Variants in AFG2A observed in about 807,000 individuals in gnomAD.
AFG2A encodes the protein ATPase family gene 2 protein homolog A.
At chr4:123,014,914 C>A in the AFG2A span, among the ~76,000 whole-genome samples, 2 of 152,042 alleles carry the variant, frequency 1.3e-5, no homozygotes, top group Admixed American at 1.3e-4. Flanking sequence ...TTCTTATATT[C>A]TTTCTAATCT....
chr4:123,160,836 A>G, the AFG2A span, among the ~76,000 whole-genome samples: 1 of 152,246 alleles, frequency 6.6e-6, no homozygotes, highest in Non-Finnish European at 1.5e-5. Context: ...TTATACATAC[A>G]TACCTATGAT....
the AFG2A span, among the ~76,000 whole-genome samples, chr4:123,313,244 CTT>C: frequency 6.6e-6 from 1 of 152,246 alleles, no homozygotes; most frequent in South Asian, 2.1e-4. Flanking sequence ...CTTTTCAATT[CTT>C]CCAGCTTTCC....
the AFG2A span, among the ~76,000 whole-genome samples, chr4:123,091,003 GTGAATGGAATCT>G: frequency 6.6e-6 from 1 of 152,210 alleles, no homozygotes; most frequent in East Asian, 1.9e-4. Context: ...ACTGCCCTGG[GTGAATGGAATCT>G]TGACTGCATA....
At chr4:123,014,464 G>C in the AFG2A span, among the ~76,000 whole-genome samples, 1 of 151,830 alleles carries the variant, frequency 6.6e-6, no homozygotes, top group African/African-American at 2.4e-5. Flanking sequence ...TGTGTAAATG[G>C]TTAACCATTT....
the AFG2A span, among the ~76,000 whole-genome samples, chr4:123,181,381 G>A: frequency 3.9e-5 from 6 of 152,012 alleles, no homozygotes; most frequent in Non-Finnish European, 8.8e-5. Flanking sequence ...GGGAGGCAAG[G>A]TGGACAGATT....
chr4:123,087,886 C>G, the AFG2A span, among the ~76,000 whole-genome samples: 4 of 152,242 alleles, frequency 2.6e-5, no homozygotes, highest in South Asian at 6.2e-4. Context: ...GCTGTTAGGA[C>G]GGAGCGAAGA....
At chr4:122,999,626 T>C in the AFG2A span, among the ~76,000 whole-genome samples, 6 of 151,876 alleles carry the variant, frequency 4.0e-5, no homozygotes, top group Non-Finnish European at 8.8e-5. Context: ...TGTAGATAGG[T>C]GGCATTATTT....
the AFG2A span, among the ~76,000 whole-genome samples, chr4:122,930,949 T>A: frequency 0.71 from 108,195 of 151,976 alleles, 43,208 homozygotes; most frequent in East Asian, 0.95. Context: ...TCTTATGTTT[T>A]AAATGTGGCA....
At chr4:123,310,939 A>T in the AFG2A span, among the ~76,000 whole-genome samples, 3 of 152,252 alleles carry the variant, frequency 2.0e-5, no homozygotes, top group Admixed American at 2.0e-4. Context: ...GCCCTAGGAC[A>T]TACAGACAGC....
the AFG2A span, among the ~76,000 whole-genome samples, chr4:123,276,701 A>AG: frequency 4.6e-5 from 7 of 152,086 alleles, no homozygotes; most frequent in South Asian, 4.1e-4. Flanking sequence ...TCTGTACATG[A>AG]CTAGCCAATT....
the AFG2A span, among the ~76,000 whole-genome samples, chr4:123,029,377 T>G: frequency 6.6e-6 from 1 of 152,136 alleles, no homozygotes; most frequent in Non-Finnish European, 1.5e-5. Context: ...TGGCCCAGAA[T>G]GCATTTTCTG....
the AFG2A span, among the ~76,000 whole-genome samples, chr4:123,023,043 G>T: frequency 4.7e-5 from 7 of 148,890 alleles, no homozygotes; most frequent in African/African-American, 1.2e-4. Flanking sequence ...TGTGGGGTTG[G>T]GGGAGGGGGG....
chr4:123,227,474 T>C, the AFG2A span, among the ~76,000 whole-genome samples: 1 of 152,208 alleles, frequency 6.6e-6, no homozygotes, highest in Non-Finnish European at 1.5e-5. Context: ...ATGTACCCAG[T>C]AGTCATTCAG....
At chr4:123,252,989 CTA>C in the AFG2A span, among the ~76,000 whole-genome samples, 1 of 152,174 alleles carries the variant, frequency 6.6e-6, no homozygotes, top group Admixed American at 6.5e-5. Context: ...TATATTTTGA[CTA>C]TTCACTCATA....
the AFG2A span, chr4:122,934,709 T>A: frequency 4.4e-6 from 7 of 1,589,720 alleles, no homozygotes; most frequent in Non-Finnish European, 5.1e-6. Context: ...GAATTGCCCC[T>A]CAAACAGCCT....
the AFG2A span, among the ~76,000 whole-genome samples, chr4:123,263,159 A>T: frequency 6.6e-6 from 1 of 152,182 alleles, no homozygotes; most frequent in Non-Finnish European, 1.5e-5. Context: ...TTGTGGTCAG[A>T]TTTGTATTAT....
At chr4:123,088,239 A>G in the AFG2A span, among the ~76,000 whole-genome samples, 4 of 151,958 alleles carry the variant, frequency 2.6e-5, no homozygotes, top group African/African-American at 9.7e-5. Flanking sequence ...ATACCCACCA[A>G]GTTTTTAGGT....
chr4:123,092,092 G>A, the AFG2A span, among the ~76,000 whole-genome samples: 1 of 152,176 alleles, frequency 6.6e-6, no homozygotes, highest in Non-Finnish European at 1.5e-5. Context: ...CCTTCCTGAT[G>A]CAGTATTTTA....
At chr4:123,051,640 C>CTTTT in the AFG2A span, among the ~76,000 whole-genome samples, 38 of 96,032 alleles carry the variant, frequency 4.0e-4, no homozygotes, top group Admixed American at 5.3e-4. Context: ...ATTTCCTCAG[C>CTTTT]TTTTTTTTTT....
Sources: allele counts gnomAD v4.1 joint callset (sites outside exome capture counted in the v4.1 genomes callset), GRCh38; gene constraint gnomAD v4.1.1; transcripts MANE v1.5; gene names NCBI Gene and HGNC (gene_info 2026-07-23, HGNC 2026-07-21).